The following RAB5IF variants were observed in gnomAD, a reference collection of about 807,000 sequenced individuals.
RAB5IF encodes GEL complex subunit OPTI.
Under a neutral mutation model 20.3 loss-of-function variants are expected in RAB5IF, and 15 were observed. The ratio of observed to expected loss-of-function variants is 0.74; its 90% CI spans 0.50 to 1.14. RAB5IF has a LOEUF of 1.14. Among genes scored for constraint, RAB5IF ranks in the 50% most tolerant of loss-of-function variants. The pLI is 0.00. For synonymous variants in RAB5IF, 67 were observed against 63.7 expected, an observed-to-expected ratio of 1.05 and a Z score of -0.25; for missense variants, 148 against 159.5, an observed-to-expected ratio of 0.93 and a Z score of 0.39.
At chr20:36,610,116 C>G (rs910440926) in intron 3 of RAB5IF, among the ~76,000 whole-genome samples, 18 of 152,120 alleles carry the variant, frequency 1.2e-4, no homozygotes, top group African/African-American at 4.1e-4. Context: ...AATCCCATCT[C>G]TACTAAAAAT....
In RAB5IF at chr20:36,605,823, C is replaced by A; in HGVS notation, c.-129C>A. Reference sequence around the variant, plus strand: ...GTAGCTTGGCCAGGTTGTGAGGAACCGCAGCGCGCCGCAGGACCGGGCCGC... The same window carrying A: ...GTAGCTTGGCCAGGTTGTGAGGAACAGCAGCGCGCCGCAGGACCGGGCCGC... On this transcript the variant is annotated 5_prime_UTR_variant, in exon 1 of 4. Transcript: ENST00000344795. The A allele has an allele frequency of 2.2e-6, 1 of 458,502 alleles. No individual in the cohort carries two copies. Among genetic ancestry groups the A allele is most frequent in the Non-Finnish European group, 3.7e-6 (1 of 271,028 alleles). The allele number at this position is 458,502 out of a possible 1,614,324, so 28.4% of individuals were successfully genotyped here.
chr20:36,608,912 C>T (rs1473742926), intron 2 of RAB5IF, among the ~76,000 whole-genome samples: 4 of 151,770 alleles, frequency 2.6e-5, no homozygotes, highest in African/African-American at 4.8e-5. Flanking sequence ...AGGGCAGGAA[C>T]AGTCATCTTT....
intron 1 of RAB5IF, 65 bp from the exon 2 acceptor site, chr20:36,607,650 C>T: frequency 1.3e-6 from 2 of 1,583,176 alleles, no homozygotes; most frequent in Non-Finnish European, 1.7e-6. Flanking sequence ...GTTTAATATT[C>T]TCCCCTTTTG....
Position 36,605,973 on chromosome 20 carries a change from G to A in RAB5IF, c.22G>A (p.Glu8Lys). MSGGRRK[E>K]EPPQPQLANG... ...GAGGATGAGCGGCGGGCGGCGGAAG[G>A]AGGAGCCGCCTCAGCCGCAGCTGGC... The change falls in exon 1 of 4, where the codon GAG becomes AAG. Residue 8 changes from glutamate (E) to lysine (K), a missense_variant. By Grantham distance (56) the Glu-to-Lys change is moderately conservative (BLOSUM62 1). Coordinates refer to ENST00000344795, the MANE Select transcript of RAB5IF (RefSeq NM_018840.5). 6.6e-7 allele frequency: 1 copy of A among 1,515,248 alleles called. No homozygotes were observed. Among genetic ancestry groups the A allele is most frequent in the South Asian group, 1.2e-5 (1 of 80,098 alleles). The allele number at this position is 1,515,248 out of a possible 1,614,324, so 93.9% of individuals were successfully genotyped here. A position where few individuals can be genotyped will look rare whatever the true frequency, so the allele number is the denominator to read the frequency against.
At chr20:36,609,160 C>CATACATACATACAT (rs1568595285) in intron 2 of RAB5IF, among the ~76,000 whole-genome samples, 1 of 55,138 alleles carries the variant, frequency 1.8e-5, no homozygotes, top group Non-Finnish European at 3.8e-5. Flanking sequence ...CTATATTACA[C>CATACATACATACAT]ACACACACAC....
chr20:36,609,016 T>G (rs1351621745), intron 2 of RAB5IF, among the ~76,000 whole-genome samples: 1 of 151,752 alleles, frequency 6.6e-6, no homozygotes, highest in Non-Finnish European at 1.5e-5. Context: ...CTTGCTCAAC[T>G]AGGCTACGAA....
intron 2 of RAB5IF, among the ~76,000 whole-genome samples, chr20:36,609,155 T>TTACATACACACATA (rs1391305214): frequency 4.0e-5 from 1 of 25,216 alleles, no homozygotes. Context: ...GAGAACTATA[T>TTACATACACACATA]TACACACACA....
intron 1 of RAB5IF, among the ~76,000 whole-genome samples, chr20:36,607,016 T>G (rs2147955276): frequency 6.6e-6 from 1 of 152,302 alleles, no homozygotes; most frequent in South Asian, 2.1e-4. Context: ...TTTCTTTTCT[T>G]GTATAAGGAC....
Position 36,605,827 on chromosome 20 carries a change from G to T in RAB5IF, c.-125G>T. Reference sequence around the variant, plus strand: ...CTTGGCCAGGTTGTGAGGAACCGCAGCGCGCCGCAGGACCGGGCCGCTGAG... The same window carrying T: ...CTTGGCCAGGTTGTGAGGAACCGCATCGCGCCGCAGGACCGGGCCGCTGAG... On this transcript the variant is annotated 5_prime_UTR_variant, in exon 1 of 4. Transcript: ENST00000344795. The T allele has an allele frequency of 2.1e-6, 1 of 467,640 alleles. No homozygotes were observed. The highest frequency in any genetic ancestry group is 6.3e-5 in the South Asian group (1 of 15,894). 29.0% of individuals were successfully genotyped at this position (467,640 alleles called of 1,614,324 possible).
At position 36,612,164 on chromosome 20, in the gene RAB5IF, T is replaced by G; in HGVS notation, c.*113T>G. 1 of 1,614,196 alleles carries G rather than the reference T, an allele frequency of 6.2e-7. No individual in the cohort carries two copies. Among genetic ancestry groups the G allele is most frequent in the African/African-American group, 1.3e-5 (1 of 75,040 alleles). ...CCCTTGGAACTTGGAAGACCCGTGTTTCCTGGACCGCGAATCAGTGTGTTG... is the reference window on the plus strand; with the variant it reads ...CCCTTGGAACTTGGAAGACCCGTGTGTCCTGGACCGCGAATCAGTGTGTTG... On this transcript the variant is annotated 3_prime_UTR_variant, in exon 4 of 4. Coordinates refer to ENST00000344795, the MANE Select transcript of RAB5IF (RefSeq NM_018840.5).
At chr20:36,609,890 A>C (rs1271498781) in intron 3 of RAB5IF, 160 bp downstream of exon 3, 2 of 1,257,922 alleles carry the variant, frequency 1.6e-6, no homozygotes, top group Non-Finnish European at 2.3e-6. Flanking sequence ...GCCACATCCC[A>C]GAAGATGTGG....
chr20:36,606,049 C>G lies in RAB5IF; in HGVS notation c.98C>G (p.Ala33Gly). 3 of 1,512,500 alleles carry G rather than the reference C, an allele frequency of 2.0e-6. No homozygotes were observed. Among genetic ancestry groups the G allele is most frequent in the Non-Finnish European group, 2.7e-6 (3 of 1,124,622 alleles). 93.7% of individuals were successfully genotyped at this position (1,512,500 alleles called of 1,614,324 possible). ...SVWSKVLRSDAAWEDKDEFLD... is the reference protein window; with the variant it reads ...SVWSKVLRSDGAWEDKDEFLD... ...TGGAGTAAGGTGCTGCGGAGCGACG[C>G]GGCCTGGGAGGATAAGGTACGGTGG... Residue 33 changes from alanine (A) to glycine (G), a missense_variant, in exon 1 of 4, where the codon GCG becomes GGG. Coordinates refer to ENST00000344795, the MANE Select transcript of RAB5IF (RefSeq NM_018840.5).
chr20:36,612,146 A>C lies in RAB5IF; in HGVS notation c.*95A>C. 1 of 1,614,146 alleles carries C rather than the reference A, an allele frequency of 6.2e-7. No homozygotes were observed. The highest frequency in any genetic ancestry group is 8.5e-7 in the Non-Finnish European group (1 of 1,180,002). ...TCGTTGGGGAACCCCAGCCCCTTGGAACTTGGAAGACCCGTGTTTCCTGGA... is the reference window on the plus strand; with the variant it reads ...TCGTTGGGGAACCCCAGCCCCTTGGCACTTGGAAGACCCGTGTTTCCTGGA... On this transcript the variant is annotated 3_prime_UTR_variant, in exon 4 of 4. Transcript: ENST00000344795.
chr20:36,609,253 A>ACACACACACC (rs2039043888), intron 2 of RAB5IF, among the ~76,000 whole-genome samples: 1 of 134,338 alleles, frequency 7.4e-6, no homozygotes, highest in Non-Finnish European at 1.5e-5. Flanking sequence ...ACACACACAC[A>ACACACACACC]CACTATATAT....
chr20:36,609,865 C>A (rs1198569491), intron 3 of RAB5IF, 135 bp downstream of exon 3: 4 of 1,517,938 alleles, frequency 2.6e-6, no homozygotes, highest in Non-Finnish European at 9.1e-7. Context: ...GGCTCAGGGC[C>A]ATGGCCTGTG....
At chr20:36,609,155 T>TTACATACATA (rs1391305214) in intron 2 of RAB5IF, among the ~76,000 whole-genome samples, 2 of 25,216 alleles carry the variant, frequency 7.9e-5, no homozygotes, top group African/African-American at 1.2e-4. Context: ...GAGAACTATA[T>TTACATACATA]TACACACACA....
chr20:36,607,735 C>G lies in RAB5IF; in HGVS notation c.135C>G (p.Ile45Met). 6.2e-7 allele frequency: 1 copy of G among 1,614,040 alleles called. No individual in the cohort carries two copies. The highest frequency in any genetic ancestry group is 8.5e-7 in the Non-Finnish European group (1 of 1,179,960). ...WEDKDEFLDVIYWFRQIIAVV... is the reference protein window; with the variant it reads ...WEDKDEFLDVMYWFRQIIAVV... ...TACAGGATGAATTTTTAGATGTGAT[C>G]TACTGGTTCCGACAGATCATTGCTG... Residue 45 changes from isoleucine (I) to methionine (M), a missense_variant, in exon 2 of 4, where the codon ATC becomes ATG. Coordinates refer to ENST00000344795, the MANE Select transcript of RAB5IF (RefSeq NM_018840.5).
In RAB5IF at chr20:36,612,275, C is replaced by A; in HGVS notation, c.*224C>A. 1 of 1,546,438 alleles carries A rather than the reference C, an allele frequency of 6.5e-7. No homozygotes were observed. Among genetic ancestry groups the A allele is most frequent in the Non-Finnish European group, 8.9e-7 (1 of 1,119,124 alleles). On this transcript the variant is annotated 3_prime_UTR_variant, in exon 4 of 4. Transcript: ENST00000344795. ...GGGAAGCATTTCTGAATTTATCCAT[C>A]ACCAACCATTTCTTCTTGGATACCA...
At chr20:36,610,649 C>T (rs1177237626) in intron 3 of RAB5IF, among the ~76,000 whole-genome samples, 2 of 151,264 alleles carry the variant, frequency 1.3e-5, no homozygotes, top group African/African-American at 2.4e-5. Flanking sequence ...GTGCCGAGAT[C>T]GCGCCACTGC....
Sources: gnomAD v4.1 joint callset for allele counts (sites outside exome capture counted in the v4.1 genomes callset) on GRCh38, gnomAD v4.1.1 for gene constraint, MANE v1.5 for transcripts, NCBI Gene and HGNC (gene_info 2026-07-23, HGNC 2026-07-21) for gene names.